The following NHSL1 variants were observed in gnomAD, a reference collection of about 807,000 sequenced individuals.
The protein encoded by NHSL1 is NHS-like protein 1.
NHSL1 carries 48 observed loss-of-function variants against 95.0 expected under a neutral mutation model. The ratio of observed to expected loss-of-function variants is 0.51; its 90% CI spans 0.40 to 0.64. The LOEUF is 0.64. NHSL1 is among the 30% of genes least tolerant of loss of function. The probability of loss-of-function intolerance (pLI) is 0.00; values close to 1 mark genes in which losing one functional copy is unlikely to be tolerated. For synonymous variants in NHSL1, 783 were observed against 833.9 expected, an observed-to-expected ratio of 0.94 and a Z score of 1.05; for missense variants, 1,971 against 2,077.7, an observed-to-expected ratio of 0.95 and a Z score of 1.00.
At chr6:138,505,365 T>C (rs1300746247) in intron 1 of NHSL1, among the ~76,000 whole-genome samples, 1 of 152,098 alleles carries the variant, frequency 6.6e-6, no homozygotes, top group Non-Finnish European at 1.5e-5. Flanking sequence ...CAATTGAAAA[T>C]GAAACAGGGG....
At chr6:138,595,808 T>C (rs1784295941) in intron 1 of NHSL1, among the ~76,000 whole-genome samples, 2 of 152,072 alleles carry the variant, frequency 1.3e-5, no homozygotes, top group Admixed American at 1.3e-4. Context: ...ATGGAGACAA[T>C]GGGTAAGAGA....
intron 3 of NHSL1, among the ~76,000 whole-genome samples, chr6:138,448,160 A>G (rs1020613224): frequency 6.6e-6 from 1 of 152,156 alleles, no homozygotes; most frequent in Non-Finnish European, 1.5e-5. Context: ...CTTTCCCATA[A>G]CACCTTAAAA....
intron 1 of NHSL1, among the ~76,000 whole-genome samples, chr6:138,678,968 C>T (rs1021798863): frequency 1.3e-5 from 2 of 152,174 alleles, no homozygotes; most frequent in South Asian, 2.1e-4. Context: ...TTCATCGCCT[C>T]CCACCTCTAT....
chr6:138,532,731 A>G (rs969799226), intron 1 of NHSL1, among the ~76,000 whole-genome samples: 19 of 152,168 alleles, frequency 1.2e-4, no homozygotes, highest in African/African-American at 4.3e-4. Context: ...GAGACTTGGG[A>G]TCAGAAACTC....
chr6:138,562,212 T>C lies in NHSL1; in HGVS notation c.202+9498A>G, dbSNP rs1052811611. Among the ~76,000 whole-genome samples the C allele has an allele frequency of 3.3e-5, 5 of 152,178 alleles. No homozygotes were observed. In the South Asian group the frequency reaches 1.0e-3, roughly 32 times the overall value. On this transcript the variant is annotated intron_variant, in intron 1 of 6. Transcript: ENST00000427025. ...GATTGCCATAAATATAATCTTTAATTAGGGAGATTAGAAATATAAGGTAAA... is the reference window on the plus strand; with the variant it reads ...GATTGCCATAAATATAATCTTTAATCAGGGAGATTAGAAATATAAGGTAAA...
chr6:138,566,098 T>A (rs1376500992), intron 1 of NHSL1, among the ~76,000 whole-genome samples: 1 of 152,084 alleles, frequency 6.6e-6, no homozygotes, highest in African/African-American at 2.4e-5. Flanking sequence ...CTTTTAAAAT[T>A]ATTAAAAACA....
At position 138,433,143 on chromosome 6, in the gene NHSL1, A is replaced by G; in HGVS notation, c.1202T>C (p.Val401Ala). ...ESENIMSPAC[V>A]VSPHATYSTS... ...GGAGTAGGTTGCATGAGGAGAAACC[A>G]CACACGCTGGGCTCATTATATTTTC... The change falls in exon 6 of 8, where the codon GTG becomes GCG. Residue 401 changes from valine to alanine, a missense_variant. Physicochemically the swap from Val to Ala is moderately conservative, Grantham distance 64 (BLOSUM62 0). Around this residue, in one of 3 missense-constraint regions of NHSL1, gnomAD observed 1,602 missense variants for 1,654.5 expected, o/e 0.97. Transcript: ENST00000343505. 3 of 1,551,184 alleles carry G rather than the reference A, an allele frequency of 1.9e-6. No individual in the cohort carries two copies. The highest frequency in any genetic ancestry group is 2.6e-6 in the Non-Finnish European group (3 of 1,146,942).
At chr6:138,636,619 A>G (rs1784891950) in intron 1 of NHSL1, among the ~76,000 whole-genome samples, 1 of 152,258 alleles carries the variant, frequency 6.6e-6, no homozygotes, top group African/African-American at 2.4e-5. Flanking sequence ...ATATGCCAAC[A>G]GTGAACAATC....
At chr6:138,615,590 C>A (rs1198255653) in intron 1 of NHSL1, among the ~76,000 whole-genome samples, 1 of 152,242 alleles carries the variant, frequency 6.6e-6, no homozygotes, top group Non-Finnish European at 1.5e-5. Flanking sequence ...CCTGCCTCAG[C>A]CTCCTGAGTA....
chr6:138,608,942 G>A (rs1422997715), intron 1 of NHSL1, among the ~76,000 whole-genome samples: 1 of 152,170 alleles, frequency 6.6e-6, no homozygotes, highest in Non-Finnish European at 1.5e-5. Flanking sequence ...TTGGTTACTA[G>A]AAGATGCTAG....
At chr6:138,645,335 T>C (rs188119060) in intron 1 of NHSL1, among the ~76,000 whole-genome samples, 26 of 152,162 alleles carry the variant, frequency 1.7e-4, no homozygotes, top group Non-Finnish European at 2.9e-4. Context: ...CTCCGGCTCC[T>C]CTCCCATCTT....
chr6:138,507,585 A>T (rs1171063964), intron 1 of NHSL1, among the ~76,000 whole-genome samples: 1 of 152,222 alleles, frequency 6.6e-6, no homozygotes, highest in Non-Finnish European at 1.5e-5. Flanking sequence ...TTGCATAATG[A>T]GGTAAACAGA....
intron 1 of NHSL1, among the ~76,000 whole-genome samples, chr6:138,663,464 G>A (rs538932179): frequency 6.6e-6 from 1 of 151,120 alleles, no homozygotes; most frequent in East Asian, 1.9e-4. Context: ...GAGGCTAAAG[G>A]CAGGAGAATC....
chr6:138,684,213 A>C (rs1785552804), intron 1 of NHSL1, among the ~76,000 whole-genome samples: 1 of 42,506 alleles, frequency 2.4e-5, no homozygotes, highest in African/African-American at 3.0e-4. Flanking sequence ...CTCCCTCTCA[A>C]AAAAAAAAAA....
chr6:138,661,425 G>A (rs902253335), intron 1 of NHSL1, among the ~76,000 whole-genome samples: 1 of 151,662 alleles, frequency 6.6e-6, no homozygotes, highest in Non-Finnish European at 1.5e-5. Context: ...AACCCGGGAA[G>A]CGGAGGTTGC....
chr6:138,423,914 C>G lies in NHSL1; in HGVS notation c.*167G>C. 9.2e-6 allele frequency: 5 copies of G among 542,978 alleles called. No homozygotes were observed. Among genetic ancestry groups the G allele is most frequent in the Non-Finnish European group, 1.4e-5 (5 of 358,270 alleles). The allele number at this position is 542,978 out of a possible 1,614,324, so 33.6% of individuals were successfully genotyped here. A position where few individuals can be genotyped will look rare whatever the true frequency, so the allele number is the denominator to read the frequency against. On this transcript the variant is annotated 3_prime_UTR_variant, in exon 8 of 8. Coordinates refer to ENST00000343505, the MANE Select transcript of NHSL1 (RefSeq NM_001144060.2). ...GCCACAGGGCAAGTGCCAGGTGAGTCCTAAATAACCGTTCACTCACACTGC... is the reference window on the plus strand; with the variant it reads ...GCCACAGGGCAAGTGCCAGGTGAGTGCTAAATAACCGTTCACTCACACTGC...
At chr6:138,539,762 T>A (rs1253736956) in intron 1 of NHSL1, among the ~76,000 whole-genome samples, 1 of 152,232 alleles carries the variant, frequency 6.6e-6, no homozygotes, top group Non-Finnish European at 1.5e-5. Context: ...GCACAGAGCA[T>A]GCTCCAGAAA....
At chr6:138,525,090 G>A (rs1407726203) in intron 1 of NHSL1, among the ~76,000 whole-genome samples, 1 of 152,108 alleles carries the variant, frequency 6.6e-6, no homozygotes, top group South Asian at 2.1e-4. Context: ...ACCTTGCCAG[G>A]TGAGTCCTGG....
intron 7 of NHSL1, among the ~76,000 whole-genome samples, chr6:138,428,744 C>T (rs373258572): frequency 9.9e-5 from 15 of 152,188 alleles, no homozygotes; most frequent in African/African-American, 3.6e-4. Flanking sequence ...TAAGATCATT[C>T]ACACACAGAA....
Sources: gnomAD v4.1 joint callset for allele counts (sites outside exome capture counted in the v4.1 genomes callset) on GRCh38, gnomAD v4.1.1 for gene constraint, gnomAD v4.1.1 regional missense constraint, MANE v1.5 for transcripts, NCBI Gene and HGNC (gene_info 2026-07-23, HGNC 2026-07-21) for gene names.